CLCN5: variants seen among roughly 807,000 people sequenced by gnomAD.
CLCN5 encodes the protein Cl-/H+ antiporter 5, also known as H(+)/Cl(-) exchange transporter 5.
A neutral mutation model predicts 54.0 loss-of-function variants in CLCN5; 17 were observed. That is an observed-to-expected ratio of 0.31 (90% confidence interval 0.22 to 0.47). The LOEUF is 0.47. Ranked by LOEUF, CLCN5 falls within the 20% of genes least tolerant of loss-of-function variation. The pLI, the probability that CLCN5 is intolerant of heterozygous loss-of-function variation, is 1.00. For synonymous variants in CLCN5, 222 were observed against 233.0 expected (o/e 0.95, Z 0.43); for missense variants, 448 against 646.7 (o/e 0.69, Z 3.33).
chrX:50,026,631 G>A (rs897410443), intron 3 of CLCN5, among the ~76,000 whole-genome samples: 19 of 111,280 alleles, frequency 1.7e-4, no homozygotes, highest in African/African-American at 5.2e-4. Flanking sequence ...CCTCTTTATC[G>A]CTGATAATTT....
At chrX:49,936,233 A>G (rs1265325556) in intron 3 of CLCN5, among the ~76,000 whole-genome samples, 2 of 111,907 alleles carry the variant, frequency 1.8e-5, no homozygotes, top group African/African-American at 6.5e-5. Context: ...CCATGCCATG[A>G]ACATGCTGAT....
intron 3 of CLCN5, among the ~76,000 whole-genome samples, chrX:49,977,879 G>C (rs1235705023): frequency 1.8e-5 from 2 of 111,803 alleles, no homozygotes; most frequent in Non-Finnish European, 3.8e-5. Context: ...GGTGACAGCT[G>C]CTCCTACCCA....
intron 3 of CLCN5, among the ~76,000 whole-genome samples, chrX:49,936,412 T>C (rs1387288125): frequency 8.9e-6 from 1 of 111,756 alleles, no homozygotes; most frequent in Non-Finnish European, 1.9e-5. Context: ...ATGCTAAATC[T>C]ACTTCTAAAT....
intron 3 of CLCN5, among the ~76,000 whole-genome samples, chrX:49,977,284 T>C (rs1928525131): frequency 9.0e-6 from 1 of 111,728 alleles, no homozygotes; most frequent in African/African-American, 3.3e-5. Flanking sequence ...CTCCCTAACA[T>C]TGAATATACC....
chrX:50,090,073 T>C (rs1557194508), intron 12 of CLCN5, 43 bp from the exon 13 acceptor site: 1 of 1,191,017 alleles, frequency 8.4e-7, no homozygotes, highest in South Asian at 1.8e-5. Context: ...GTAAGAATCC[T>C]GTATTTTGCC....
chrX:49,938,974 G>A (rs1420864382), intron 3 of CLCN5, among the ~76,000 whole-genome samples: 2 of 103,588 alleles, frequency 1.9e-5, no homozygotes, highest in Admixed American at 1.1e-4. Flanking sequence ...AAAAGTGACC[G>A]AAGGATATGA....
At chrX:49,980,390 A>G (rs1393824569) in intron 3 of CLCN5, among the ~76,000 whole-genome samples, 1 of 112,125 alleles carries the variant, frequency 8.9e-6, no homozygotes, top group Non-Finnish European at 1.9e-5. Context: ...TTGTGATTGG[A>G]AACATTAATA....
At chrX:50,047,833 G>A (rs781921717) in intron 4 of CLCN5, among the ~76,000 whole-genome samples, 4 of 111,729 alleles carry the variant, frequency 3.6e-5, no homozygotes, top group East Asian at 2.8e-4. Context: ...GATGAAGACC[G>A]CAGAGGTGGA....
Position 50,080,628 on chromosome X carries a change from A to G in CLCN5, c.638A>G (p.Tyr213Cys), listed in dbSNP as rs1415362986. Residue 213 changes from tyrosine to cysteine, a missense_variant, in exon 8 of 15, where the codon TAC (tyrosine) becomes TGC (cysteine). Physicochemically the swap from Tyr to Cys is radical, Grantham distance 194 (BLOSUM62 -2). This residue lies in a region of CLCN5 where 40 missense variants were observed against 27.8 expected (regional missense o/e 1.44). Coordinates refer to ENST00000376091, the MANE Select transcript of CLCN5 (RefSeq NM_001127898.4). ...AFAYIVNYFMYVLWALLFAFL... is the reference protein window; with the variant it reads ...AFAYIVNYFMCVLWALLFAFL... ...GCCTACATAGTCAATTATTTCATGT[A>G]CGTCCTCTGGGCTCTCCTATTTGCC... 1 of 1,204,139 alleles carries G rather than the reference A, an allele frequency of 8.3e-7. No homozygotes were observed. The highest frequency in any genetic ancestry group is 1.1e-6 in the Non-Finnish European group (1 of 891,215).
intron 3 of CLCN5, among the ~76,000 whole-genome samples, chrX:50,014,373 T>C (rs868953309): frequency 2.7e-5 from 3 of 112,230 alleles, no homozygotes; most frequent in Middle Eastern, 4.6e-3. Context: ...TCACACAAGA[T>C]GGACTTGGTT....
At chrX:49,983,208 A>G (rs1928831691) in intron 3 of CLCN5, among the ~76,000 whole-genome samples, 2 of 112,090 alleles carry the variant, frequency 1.8e-5, no homozygotes, top group South Asian at 3.7e-4. Context: ...TGAGAGGTCT[A>G]TTTGGGGGGA....
intron 3 of CLCN5, among the ~76,000 whole-genome samples, chrX:50,039,396 C>A (rs1932124542): frequency 8.9e-6 from 1 of 111,860 alleles, no homozygotes; most frequent in Non-Finnish European, 1.9e-5. Flanking sequence ...AAATAACAAG[C>A]CTCAGAAGTG....
At chrX:49,936,498 G>A (rs112893137) in intron 3 of CLCN5, among the ~76,000 whole-genome samples, 5,126 of 111,960 alleles carry the variant, frequency 0.046, 298 homozygotes, top group African/African-American at 0.16. Flanking sequence ...TTTGCGTTTG[G>A]ATGGGGCAAG....
intron 4 of CLCN5, among the ~76,000 whole-genome samples, chrX:50,065,147 C>T (rs1269342831): frequency 4.7e-5 from 4 of 85,281 alleles, no homozygotes; most frequent in African/African-American, 1.8e-4. Flanking sequence ...CAACAAAAGC[C>T]AAAATTGACA....
intron 3 of CLCN5, among the ~76,000 whole-genome samples, chrX:49,966,589 C>CTTTTTTTTTTTTTTAT (rs1927868618): frequency 5.6e-5 from 1 of 17,821 alleles, no homozygotes; most frequent in Non-Finnish European, 8.0e-5. Flanking sequence ...TATCTCTGAT[C>CTTTTTTTTTTTTTTAT]TTTTTTTTTT....
rs782289298 is a variant in CLCN5 at position 50,081,773 on chromosome X, G to A, written c.859G>A (p.Val287Met). 20 of 1,209,858 alleles carry A rather than the reference G, an allele frequency of 1.7e-5. No homozygotes were observed. Among genetic ancestry groups the A allele is most frequent in the East Asian group, 8.9e-5 (3 of 33,769 alleles). Residue 287 changes from valine (V) to methionine (M), a missense_variant, in exon 9 of 15, where the codon GTG becomes ATG. Physicochemically the swap from Val to Met is conservative, Grantham distance 21. Transcript: ENST00000376091. ...SLGKEGPLVH[V>M]ACCCGNILCH... Reference sequence around the variant, plus strand: ...GGGCAAAGAGGGCCCTCTAGTGCACGTGGCTTGCTGCTGTGGGAACATCCT... The same window carrying A: ...GGGCAAAGAGGGCCCTCTAGTGCACATGGCTTGCTGCTGTGGGAACATCCT...
intron 3 of CLCN5, among the ~76,000 whole-genome samples, chrX:49,961,354 T>C (rs782590583): frequency 8.9e-6 from 1 of 112,305 alleles, no homozygotes; most frequent in East Asian, 2.8e-4. Context: ...TTTAAATACA[T>C]TCTAAACTTT....
At chrX:50,052,134 C>T (rs1400960236) in intron 4 of CLCN5, among the ~76,000 whole-genome samples, 1 of 111,979 alleles carries the variant, frequency 8.9e-6, no homozygotes, top group Non-Finnish European at 1.9e-5. Context: ...TAGTTTCTCA[C>T]TATTAACTGT....
chrX:50,063,286 A>G (rs1932893758), intron 4 of CLCN5, among the ~76,000 whole-genome samples: 1 of 96,213 alleles, frequency 1.0e-5, no homozygotes, highest in African/African-American at 4.5e-5. Context: ...AAAAAAAGAG[A>G]GAAGAATCAA....
Sources: allele counts gnomAD v4.1 joint callset (sites outside exome capture counted in the v4.1 genomes callset), GRCh38; gene constraint gnomAD v4.1.1; regional missense constraint gnomAD v4.1.1; transcripts MANE v1.5; gene names NCBI Gene and HGNC (gene_info 2026-07-23, HGNC 2026-07-21).